Variants in SIRPG observed in about 807,000 individuals in gnomAD.
SIRPG encodes the protein signal-regulatory protein gamma.
A neutral mutation model predicts 35.7 loss-of-function variants in SIRPG; 38 were observed. The ratio of observed to expected loss-of-function variants is 1.06; its 90% confidence interval spans 0.82 to 1.40. The LOEUF (loss-of-function observed/expected upper bound fraction) is 1.40, where lower values mean the gene tolerates loss of function less well. SIRPG is among the 40% of genes most tolerant of loss of function. The pLI is 0.00. For synonymous variants in SIRPG, 215 were observed against 190.4 expected (o/e 1.13, Z -1.06); for missense variants, 519 against 483.0 (o/e 1.07, Z -0.70).
chr20:1,638,221 A>T (rs1018753469), intron 2 of SIRPG, among the ~76,000 whole-genome samples: 3 of 152,126 alleles, frequency 2.0e-5, no homozygotes, highest in African/African-American at 7.2e-5. Context: ...CCCTTATAGG[A>T]CCAGGGTCTG....
intron 4 of SIRPG, among the ~76,000 whole-genome samples, chr20:1,634,814 C>T (rs561191959): frequency 1.1e-4 from 16 of 151,990 alleles, no homozygotes; most frequent in African/African-American, 2.9e-4. Flanking sequence ...GAGGCTGAGG[C>T]GGGCGGATCA....
chr20:1,643,353 GTT>G (rs537105227), intron 2 of SIRPG, among the ~76,000 whole-genome samples: 68 of 152,010 alleles, frequency 4.5e-4, no homozygotes, highest in African/African-American at 1.4e-3. Context: ...CTTCTGTTTG[GTT>G]GATTCCACTA....
At chr20:1,683,964 C>A in the SIRPG span, among the ~76,000 whole-genome samples, 1 of 128,396 alleles carries the variant, frequency 7.8e-6, no homozygotes, top group Non-Finnish European at 1.8e-5. Context: ...GGTGAAACAC[C>A]GTCTCAAAAA....
At chr20:1,664,408 C>G in the SIRPG span, among the ~76,000 whole-genome samples, 1 of 151,954 alleles carries the variant, frequency 6.6e-6, no homozygotes, top group African/African-American at 2.4e-5. Context: ...AGGCGGGAAT[C>G]CAGAAGACAG....
At chr20:1,661,665 A>C (rs1424691009), upstream of SIRPG, among the ~76,000 whole-genome samples, 1 of 152,190 alleles carries the variant, frequency 6.6e-6, no homozygotes, top group African/African-American at 2.4e-5. Flanking sequence ...CTTATCTGCT[A>C]TGTTGTCTGA....
At chr20:1,673,307 A>G in the SIRPG span, among the ~76,000 whole-genome samples, 4 of 152,042 alleles carry the variant, frequency 2.6e-5, no homozygotes, top group Admixed American at 2.6e-4. Context: ...TAATCTTTTT[A>G]ACCCCCCTCC....
At chr20:1,651,640 C>T (rs368606062) in intron 1 of SIRPG, among the ~76,000 whole-genome samples, 23 of 152,190 alleles carry the variant, frequency 1.5e-4, no homozygotes, top group East Asian at 9.7e-4. Context: ...TATTCTAAAC[C>T]GGGGTAGCAA....
the SIRPG span, among the ~76,000 whole-genome samples, chr20:1,679,662 ATT>A: frequency 6.6e-6 from 1 of 152,050 alleles, no homozygotes; most frequent in East Asian, 1.9e-4. Context: ...TCCAAATGAA[ATT>A]TTCACAGTCA....
At chr20:1,677,212 G>T in the SIRPG span, among the ~76,000 whole-genome samples, 1 of 152,174 alleles carries the variant, frequency 6.6e-6, no homozygotes, top group South Asian at 2.1e-4. Flanking sequence ...TAGAGCTTTG[G>T]GTTGAGGACC....
Position 1,635,393 on chromosome 20 carries a change from A to G in SIRPG, c.955T>C (p.Ser319Pro). 6.2e-7 allele frequency: 1 copy of G among 1,614,106 alleles called. No individual in the cohort carries two copies. The highest frequency in any genetic ancestry group is 8.5e-7 in the Non-Finnish European group (1 of 1,180,028). ...AGGACCACATCATCCCTTTGGTCAG[A>G]TATGTTCACCAGGAACCAGCTTGTC... is the stretch of plus-strand genomic sequence containing the variant. Reference protein sequence around the residue: ...NWTSWFLVNISDQRDDVVLTC... With the variant: ...NWTSWFLVNIPDQRDDVVLTC... The change falls in exon 4 of 6, where the codon TCT becomes CCT. Residue 319 changes from serine to proline, a missense_variant. Ser to Pro is a moderately conservative substitution (Grantham distance 74). Transcript: ENST00000303415.
chr20:1,668,645 C>A, the SIRPG span, among the ~76,000 whole-genome samples: 2,152 of 152,138 alleles, frequency 0.014, 73 homozygotes, highest in African/African-American at 0.048. Flanking sequence ...CTCACACACA[C>A]CACACAAAAA....
the SIRPG span, among the ~76,000 whole-genome samples, chr20:1,667,496 A>G: frequency 3.3e-5 from 5 of 152,352 alleles, no homozygotes; most frequent in Admixed American, 3.3e-4. Flanking sequence ...ATTTATTGCA[A>G]AAGGAAAAGA....
At chr20:1,636,152 A>G (rs2091798176) in intron 3 of SIRPG, 36 bp downstream of exon 3, 1 of 1,608,634 alleles carries the variant, frequency 6.2e-7, no homozygotes, top group Non-Finnish European at 8.5e-7. Context: ...CTTGACAGCC[A>G]GGTGTGGGCT....
chr20:1,639,146 T>A (rs1463034046), intron 2 of SIRPG, among the ~76,000 whole-genome samples: 1 of 152,172 alleles, frequency 6.6e-6, no homozygotes, highest in African/African-American at 2.4e-5. Context: ...AGTAATGGGA[T>A]TGCTGGGTCA....
chr20:1,646,196 A>G (rs576231728), intron 2 of SIRPG: 2 of 152,364 alleles, frequency 1.3e-5, no homozygotes, highest in East Asian at 1.9e-4. Context: ...TTGAGCCCCA[A>G]CACTGACTGC....
At chr20:1,667,673 A>C in the SIRPG span, among the ~76,000 whole-genome samples, 1 of 152,186 alleles carries the variant, frequency 6.6e-6, no homozygotes, top group Non-Finnish European at 1.5e-5. Flanking sequence ...AGGTGTTGCA[A>C]ATAAGCATGT....
At chr20:1,685,094 T>A in the SIRPG span, among the ~76,000 whole-genome samples, 1 of 152,184 alleles carries the variant, frequency 6.6e-6, no homozygotes, top group Admixed American at 6.5e-5. Flanking sequence ...GTCAGCTCCC[T>A]GGCCTGAGTA....
At chr20:1,655,924 A>T (rs1258974803) in intron 1 of SIRPG, among the ~76,000 whole-genome samples, 1 of 152,156 alleles carries the variant, frequency 6.6e-6, no homozygotes, top group Admixed American at 6.5e-5. Flanking sequence ...GTGCATATAT[A>T]TGTGTATATA....
Position 1,649,344 on chromosome 20 carries a change from TC to T in SIRPG, c.137del (p.Gly46GlufsTer10), listed in dbSNP as rs1208607208. The T allele has an allele frequency of 1.2e-6, 2 of 1,614,038 alleles. No individual in the cohort carries two copies. Among genetic ancestry groups the T allele is most frequent in the East Asian group, 4.5e-5 (2 of 44,874 alleles). ...QPEKLLLVTV[G>X]KTATLHCTVT... is the part of the protein sequence containing the mutation. ...CAGTGCAGTGCAGAGTGGCTGTCTT[TC>T]CAACTGTGACCAACAGGAGCTTCTC... On this transcript the variant is annotated frameshift_variant, in exon 2 of 6. Coordinates refer to ENST00000303415, the MANE Select transcript of SIRPG (RefSeq NM_018556.4). LOFTEE classifies it high-confidence loss of function.
Sources: allele counts gnomAD v4.1 joint callset (sites outside exome capture counted in the v4.1 genomes callset), GRCh38; gene constraint gnomAD v4.1.1; transcripts MANE v1.5; gene names NCBI Gene and HGNC (gene_info 2026-07-23, HGNC 2026-07-21).